Variants in NEDD9 observed in about 807,000 individuals in gnomAD.
NEDD9 encodes the protein enhancer of filamentation 1.
Under a neutral mutation model 76.6 loss-of-function variants are expected in NEDD9, and 26 were observed. The ratio of observed to expected loss-of-function variants is 0.34; its 90% CI spans 0.25 to 0.47. The LOEUF (loss-of-function observed/expected upper bound fraction) is 0.47. NEDD9 is among the 20% of genes least tolerant of loss of function. The pLI is 1.00. For missense variants in NEDD9, 937 were observed against 1,058.5 expected, an observed-to-expected ratio of 0.89 and a Z score of 1.59; for synonymous variants, 392 against 414.2, an observed-to-expected ratio of 0.95 and a Z score of 0.65.
chr6:11,288,720 T>A (rs897605564), intron 3 of NEDD9, among the ~76,000 whole-genome samples: 1 of 152,184 alleles, frequency 6.6e-6, no homozygotes, highest in Middle Eastern at 3.2e-3. Context: ...TTTCATCCAA[T>A]CAGATAACAT....
chr6:11,267,338 G>T (rs994128973), intron 3 of NEDD9, among the ~76,000 whole-genome samples: 7 of 149,194 alleles, frequency 4.7e-5, no homozygotes, highest in African/African-American at 1.7e-4. Flanking sequence ...ATGAACTGAT[G>T]AACTGAATTC....
chr6:11,302,646 A>G (rs2113407413), intron 3 of NEDD9, among the ~76,000 whole-genome samples: 1 of 152,344 alleles, frequency 6.6e-6, no homozygotes, highest in South Asian at 2.1e-4. Flanking sequence ...ATCCAGCAGC[A>G]CATCAAAAAG....
intron 1 of NEDD9, among the ~76,000 whole-genome samples, chr6:11,340,425 A>G (rs923121613): frequency 6.6e-6 from 1 of 152,144 alleles, no homozygotes; most frequent in Admixed American, 6.5e-5. Flanking sequence ...TAATTTAGAG[A>G]ATTTGACAGG....
At chr6:11,280,216 C>A (rs533001943) in intron 3 of NEDD9, among the ~76,000 whole-genome samples, 1 of 152,142 alleles carries the variant, frequency 6.6e-6, no homozygotes, top group Non-Finnish European at 1.5e-5. Flanking sequence ...AAACAACATG[C>A]CAAGGGGAAG....
intron 1 of NEDD9, among the ~76,000 whole-genome samples, chr6:11,341,809 G>A (rs1345489269): frequency 3.3e-5 from 5 of 152,076 alleles, no homozygotes; most frequent in Non-Finnish European, 7.3e-5. Flanking sequence ...AACCATACAA[G>A]GGTAGTGTAA....
intron 2 of NEDD9, among the ~76,000 whole-genome samples, chr6:11,331,413 TTTAAAACA>T (rs1275842398): frequency 6.6e-6 from 1 of 151,798 alleles, no homozygotes; most frequent in Admixed American, 6.6e-5. Flanking sequence ...GGTAGATAAA[TTTAAAACA>T]GTAAAATAGT....
intron 1 of NEDD9, among the ~76,000 whole-genome samples, chr6:11,354,247 G>A (rs1762525554): frequency 6.6e-6 from 1 of 152,202 alleles, no homozygotes; most frequent in Admixed American, 6.5e-5. Context: ...AGAAAGTACT[G>A]AGTCCCACGT....
intron 3 of NEDD9, among the ~76,000 whole-genome samples, chr6:11,274,033 C>G (rs1760367372): frequency 1.3e-5 from 2 of 152,162 alleles, no homozygotes; most frequent in Non-Finnish European, 2.9e-5. Flanking sequence ...GATACTGTTT[C>G]CAGGCAAAAT....
chr6:11,323,820 C>A (rs1761865880), intron 2 of NEDD9, among the ~76,000 whole-genome samples: 1 of 152,240 alleles, frequency 6.6e-6, no homozygotes, highest in Admixed American at 6.5e-5. Flanking sequence ...GGTGGATCAC[C>A]ATTAACCACC....
At chr6:11,249,382 T>C (rs1354493361) in intron 3 of NEDD9, among the ~76,000 whole-genome samples, 3 of 152,234 alleles carry the variant, frequency 2.0e-5, no homozygotes, top group Non-Finnish European at 2.9e-5. Context: ...AGGTTTCTCC[T>C]CTCTTGTGCT....
intron 3 of NEDD9, among the ~76,000 whole-genome samples, chr6:11,262,607 A>G (rs141802067): frequency 2.0e-5 from 3 of 152,372 alleles, no homozygotes; most frequent in Admixed American, 2.0e-4. Context: ...GTGTGGCTCC[A>G]CATTTCCAAT....
chr6:11,191,280 C>T, intron 4 of NEDD9, 75 bp from the exon 5 acceptor site: 1 of 1,475,656 alleles, frequency 6.8e-7, no homozygotes, highest in South Asian at 1.4e-5. Context: ...TGTGCTCAGT[C>T]CTATTTGCTG....
Position 11,190,341 on chromosome 6 carries a change from T to G in NEDD9, c.1528A>C (p.Ser510Arg), listed in dbSNP as rs1758104128. 1.2e-6 allele frequency: 2 copies of G among 1,614,118 alleles called. No individual in the cohort carries two copies. Among genetic ancestry groups the G allele is most frequent in the Non-Finnish European group, 1.7e-6 (2 of 1,180,056 alleles). ...SQTSHDLNEC[S>R]WSLNILAINK... The stretch of plus-strand genomic sequence containing the variant: ...ATGGCCAAGATATTCAGGGACCAGC[T>G]GCACTCATTTAAGTCATGGCTGGTT... Residue 510 changes from serine to arginine, a missense_variant, in exon 5 of 7, where the codon AGC becomes CGC. Transcript: ENST00000379446. The surrounding 1 kb of genome is among the most constrained non-coding windows in gnomAD (Gnocchi z 5.8).
intron 2 of NEDD9, among the ~76,000 whole-genome samples, chr6:11,311,438 G>C (rs1270728602): frequency 6.6e-6 from 1 of 152,094 alleles, no homozygotes; most frequent in African/African-American, 2.4e-5. Flanking sequence ...CCAGCCTCCC[G>C]AGCTGTGAAA....
Position 11,190,157 on chromosome 6 carries a change from T to C in NEDD9, c.1712A>G (p.Glu571Gly). The C allele has an allele frequency of 6.2e-7, 1 of 1,614,154 alleles. No individual in the cohort carries two copies. Among genetic ancestry groups the C allele is most frequent in the Non-Finnish European group, 8.5e-7 (1 of 1,180,024 alleles). The part of the protein sequence containing the change: ...PGSLHLKNGP[E>G]SIMNSTEYPH... ...GTACTCCGTTGAGTTCATGATGCTC[T>C]CCGGCCCATTCTTCAGATGCAAGCT... Residue 571 changes from glutamate (E) to glycine (G), a missense_variant, in exon 5 of 7, where the codon GAG becomes GGG. Transcript: ENST00000379446. The surrounding 1 kb of genome is among the most constrained non-coding windows in gnomAD (Gnocchi z 5.8).
At chr6:11,275,389 G>C (rs947838203) in intron 3 of NEDD9, among the ~76,000 whole-genome samples, 77 of 152,142 alleles carry the variant, frequency 5.1e-4, no homozygotes, top group African/African-American at 1.8e-3. Context: ...ATTGCTAAGA[G>C]AGTGGATTTT....
intron 2 of NEDD9, among the ~76,000 whole-genome samples, chr6:11,332,597 ATGCTCCTTTG>A (rs1762065687): frequency 6.6e-6 from 1 of 152,200 alleles, no homozygotes; most frequent in Non-Finnish European, 1.5e-5. Context: ...CTTGAATTAG[ATGCTCCTTTG>A]CACTCTGTGC....
chr6:11,325,089 A>G (rs957539767), intron 2 of NEDD9, among the ~76,000 whole-genome samples: 6 of 152,092 alleles, frequency 3.9e-5, no homozygotes, highest in African/African-American at 7.2e-5. Context: ...GGCACGGTGG[A>G]TTACGCCTGT....
intron 1 of NEDD9, among the ~76,000 whole-genome samples, chr6:11,227,872 T>C (rs1270730893): frequency 3.9e-5 from 6 of 151,988 alleles, no homozygotes; most frequent in Admixed American, 2.0e-4. Flanking sequence ...GTTTCAGAGT[T>C]TGATTGTTTA....
Sources: allele counts gnomAD v4.1 joint callset (sites outside exome capture counted in the v4.1 genomes callset), GRCh38; gene constraint gnomAD v4.1.1; non-coding constraint Gnocchi (gnomAD v3.1); transcripts MANE v1.5; gene names NCBI Gene and HGNC (gene_info 2026-07-23, HGNC 2026-07-21).